Variants in KCNMA1 observed in about 807,000 individuals in gnomAD.
KCNMA1 encodes the protein Calcium-activated potassium channel subunit alpha-1.
In KCNMA1, 29 loss-of-function variants were observed where a neutral mutation model predicts 140.0. That is an observed-to-expected ratio of 0.21 (90% CI 0.15 to 0.28). The LOEUF (loss-of-function observed/expected upper bound fraction) is 0.28, where lower values mean the gene tolerates loss of function less well. Among genes scored for constraint, KCNMA1 ranks in the 10% least tolerant of loss-of-function variants. KCNMA1 has a pLI of 1.00. For synonymous variants in KCNMA1, 612 were observed against 611.9 expected (o/e 1.00, Z 0.00); for missense variants, 880 against 1,602.2 (o/e 0.55, Z 7.70).
At chr10:76,995,817 G>A (rs1483950093) in intron 19 of KCNMA1, 1 of 392,936 alleles carries the variant, frequency 2.5e-6, no homozygotes, top group Non-Finnish European at 5.1e-6. Flanking sequence ...TCCTTAAAGA[G>A]CCGAGTCATT....
chr10:77,294,032 C>A (rs1395517222), intron 2 of KCNMA1, among the ~76,000 whole-genome samples: 1 of 152,244 alleles, frequency 6.6e-6, no homozygotes, highest in Non-Finnish European at 1.5e-5. Flanking sequence ...CAGGTCTGTT[C>A]CTCCCAGAAT....
chr10:76,936,750 A>G (rs1565024111), intron 23 of KCNMA1, among the ~76,000 whole-genome samples: 1 of 152,164 alleles, frequency 6.6e-6, no homozygotes. Flanking sequence ...GCCCTGGGAA[A>G]AAGGCAGGTG....
At chr10:76,992,934 G>A (rs1565416086) in intron 19 of KCNMA1, among the ~76,000 whole-genome samples, 2 of 152,318 alleles carry the variant, frequency 1.3e-5, no homozygotes, top group South Asian at 4.1e-4. Context: ...GGGATGTGAA[G>A]CACTTTATTA....
intron 3 of KCNMA1, among the ~76,000 whole-genome samples, chr10:77,217,837 T>G (rs1177446000): frequency 2.0e-5 from 3 of 152,220 alleles, no homozygotes; most frequent in Non-Finnish European, 4.4e-5. Flanking sequence ...TTACTTGTTA[T>G]TCTTCTCAAG....
At chr10:77,625,508 C>G (rs2092367963) in intron 1 of KCNMA1, among the ~76,000 whole-genome samples, 1 of 152,140 alleles carries the variant, frequency 6.6e-6, no homozygotes, top group Non-Finnish European at 1.5e-5. Context: ...ACCCTATACC[C>G]ATTAAACACT....
At chr10:77,295,944 A>C (rs1182235865) in intron 2 of KCNMA1, among the ~76,000 whole-genome samples, 1 of 152,062 alleles carries the variant, frequency 6.6e-6, no homozygotes, top group African/African-American at 2.4e-5. Context: ...AATCTCTTTA[A>C]AAGTAATTTT....
chr10:77,282,789 C>G (rs1288145259), intron 2 of KCNMA1, among the ~76,000 whole-genome samples: 1 of 152,088 alleles, frequency 6.6e-6, no homozygotes, highest in African/African-American at 2.4e-5. Flanking sequence ...CACAAGGATC[C>G]CCTTGAGCCC....
At chr10:77,355,281 GC>G (rs1196397000) in intron 2 of KCNMA1, 1 of 155,390 alleles carries the variant, frequency 6.4e-6, no homozygotes, top group Non-Finnish European at 1.4e-5. Context: ...GTCTTTATCA[GC>G]AGTGTGAAAA....
intron 2 of KCNMA1, among the ~76,000 whole-genome samples, chr10:77,399,848 G>A (rs1215029161): frequency 6.6e-6 from 1 of 152,182 alleles, no homozygotes; most frequent in African/African-American, 2.4e-5. Context: ...AACACTTAGT[G>A]AATAACGGAT....
chr10:77,529,212 C>T (rs561056796), intron 1 of KCNMA1, among the ~76,000 whole-genome samples: 13 of 150,636 alleles, frequency 8.6e-5, no homozygotes, highest in African/African-American at 3.2e-4. Flanking sequence ...TAAGTTCCCC[C>T]ACTGTGTTCC....
In KCNMA1 at chr10:77,241,769, T is replaced by A. The variant is rs150254280; in HGVS notation, c.602+9426A>T. 2.8e-3 allele frequency among the ~76,000 whole-genome samples: 432 copies of A among 152,286 alleles called. 3 individuals are homozygous for A. The highest frequency in any genetic ancestry group is 9.9e-3 in the African/African-American group (412 of 41,558). On this transcript the variant is annotated intron_variant, in intron 3 of 27. Coordinates refer to ENST00000286628, the MANE Select transcript of KCNMA1 (RefSeq NM_001161352.2). ...TCAAGGTTACAGTGAGCTATGATCATGTCAGTACACTTCAGCCTGGGTGAC... is the reference window on the plus strand; with the variant it reads ...TCAAGGTTACAGTGAGCTATGATCAAGTCAGTACACTTCAGCCTGGGTGAC...
intron 5 of KCNMA1, among the ~76,000 whole-genome samples, chr10:77,126,588 TTATTTG>T (rs2097737830): frequency 6.6e-6 from 1 of 152,188 alleles, no homozygotes; most frequent in African/African-American, 2.4e-5. Flanking sequence ...TTCAGGGACC[TTATTTG>T]TCCTGGGCTC....
chr10:77,211,754 A>G (rs1042921974), intron 3 of KCNMA1, among the ~76,000 whole-genome samples: 2 of 152,206 alleles, frequency 1.3e-5, no homozygotes, highest in Admixed American at 6.6e-5. Context: ...AAAAAAATTG[A>G]CAAGCAAATA....
chr10:77,527,058 T>C (rs1406372865), intron 1 of KCNMA1, among the ~76,000 whole-genome samples: 1 of 152,248 alleles, frequency 6.6e-6, no homozygotes, highest in Non-Finnish European at 1.5e-5. Context: ...CACATACTTC[T>C]GGGAGCTCGT....
Position 76,944,823 on chromosome 10 carries a change from T to C in KCNMA1, c.2852A>G (p.Lys951Arg). The C allele has an allele frequency of 6.2e-7, 1 of 1,614,124 alleles. No homozygotes were observed. The highest frequency in any genetic ancestry group is 8.5e-7 in the Non-Finnish European group (1 of 1,180,028). Residue 951 changes from lysine (K) to arginine (R), a missense_variant, in exon 23 of 28, where the codon AAA becomes AGA. Around this residue, in one of 13 missense-constraint regions of KCNMA1, gnomAD observed 5 missense variants for 27.7 expected, o/e 0.18. Transcript: ENST00000286628. ...GATGCTGTCATCAAACTGCATAGATTTGATGTTGAGTGACGCCAAGATGCA... is the reference window on the plus strand; with the variant it reads ...GATGCTGTCATCAAACTGCATAGATCTGATGTTGAGTGACGCCAAGATGCA... ...KECILASLNI[K>R]SMQFDDSIGV...
intron 1 of KCNMA1, among the ~76,000 whole-genome samples, chr10:77,558,862 C>G (rs1306911025): frequency 6.6e-6 from 1 of 152,228 alleles, no homozygotes; most frequent in Non-Finnish European, 1.5e-5. Flanking sequence ...TGGTCCCCAA[C>G]AGCTGGCCTG....
At chr10:77,546,355 C>T (rs1007806581) in intron 1 of KCNMA1, among the ~76,000 whole-genome samples, 7 of 143,352 alleles carry the variant, frequency 4.9e-5, no homozygotes, top group Non-Finnish European at 6.1e-5. Context: ...CCAGCCCCAC[C>T]GAGAAGCCAC....
At chr10:77,040,750 G>C (rs1374015641) in intron 14 of KCNMA1, among the ~76,000 whole-genome samples, 1 of 152,080 alleles carries the variant, frequency 6.6e-6, no homozygotes, top group Non-Finnish European at 1.5e-5. Flanking sequence ...TGCACAAAAT[G>C]ACAGATTTTT....
intron 2 of KCNMA1, among the ~76,000 whole-genome samples, chr10:77,344,157 T>C (rs2091638844): frequency 6.6e-6 from 1 of 152,186 alleles, no homozygotes; most frequent in Non-Finnish European, 1.5e-5. Flanking sequence ...CAGGAGCAAC[T>C]GGAATATTCA....
Sources: gnomAD v4.1 joint callset for allele counts (sites outside exome capture counted in the v4.1 genomes callset) on GRCh38, gnomAD v4.1.1 for gene constraint, gnomAD v4.1.1 regional missense constraint, MANE v1.5 for transcripts, NCBI Gene and HGNC (gene_info 2026-07-23, HGNC 2026-07-21) for gene names.